The following MME variants were observed in gnomAD, a reference collection of about 807,000 sequenced individuals.
MME encodes membrane metalloendopeptidase.
Under a neutral mutation model 113.2 loss-of-function variants are expected in MME, and 98 were observed. The ratio of observed to expected loss-of-function variants is 0.87; its 90% confidence interval spans 0.74 to 1.02. MME has a LOEUF of 1.02. Among genes scored for constraint, MME ranks in the 50% least tolerant of loss-of-function variants. MME has a pLI of 0.00. For synonymous variants in MME, 292 were observed against 300.6 expected (o/e 0.97, Z 0.30); for missense variants, 836 against 896.0 (o/e 0.93, Z 0.86).
At chr3:155,031,788 G>T (rs893033706) in intron 1 of MME, among the ~76,000 whole-genome samples, 1 of 152,148 alleles carries the variant, frequency 6.6e-6, no homozygotes, top group Non-Finnish European at 1.5e-5. Flanking sequence ...CTCCCAAGTA[G>T]CTGGGATTAC....
chr3:155,146,423 G>C (rs1721520165), intron 14 of MME, among the ~76,000 whole-genome samples: 1 of 152,000 alleles, frequency 6.6e-6, no homozygotes, highest in African/African-American at 2.4e-5. Flanking sequence ...CTATTTGGGA[G>C]GCTGAAATGG....
chr3:155,052,696 G>A (rs753941763), intron 1 of MME, among the ~76,000 whole-genome samples: 6 of 152,184 alleles, frequency 3.9e-5, no homozygotes, highest in Non-Finnish European at 7.3e-5. Flanking sequence ...TGATAGAAGG[G>A]GCTGTCATGA....
intron 9 of MME, 60 bp from the exon 10 acceptor site, chr3:155,140,131 A>G: frequency 8.8e-7 from 1 of 1,133,776 alleles, no homozygotes; most frequent in Non-Finnish European, 1.3e-6. Flanking sequence ...CCTCATATGT[A>G]GTTATATTTT....
chr3:155,056,969 G>A (rs550809644), intron 1 of MME, among the ~76,000 whole-genome samples: 71 of 152,214 alleles, frequency 4.7e-4, no homozygotes, highest in African/African-American at 1.5e-3. Flanking sequence ...AGACTTAAAC[G>A]TTAGACCTAA....
intron 8 of MME, among the ~76,000 whole-genome samples, chr3:155,126,652 A>T (rs1719682979): frequency 6.6e-6 from 1 of 152,140 alleles, no homozygotes; most frequent in Admixed American, 6.5e-5. Flanking sequence ...CCTAGCTTGC[A>T]TTCTTATATG....
intron 14 of MME, among the ~76,000 whole-genome samples, chr3:155,146,292 G>A (rs9874874): frequency 0.35 from 53,631 of 151,942 alleles, 9,878 homozygotes; most frequent in African/African-American, 0.44. Context: ...TTGGGAGGCC[G>A]AGGCAGGCAG....
In MME at chr3:155,116,696, C is replaced by T. The variant is rs1321075544; in HGVS notation, c.472C>T (p.Leu158Phe). 4 of 1,613,174 alleles carry T rather than the reference C, an allele frequency of 2.5e-6. No homozygotes were observed. The African/African-American group carries it at 4.0e-5, about 16-fold the overall frequency. The change falls in exon 6 of 23, where the codon CTC becomes TTC. Residue 158 changes from leucine to phenylalanine, a missense_variant. Coordinates refer to ENST00000360490, the MANE Select transcript of MME (RefSeq NM_007289.4). The part of the protein sequence containing the change: ...AIDSRGGEPL[L>F]KLLPDIYGWP... ...TGATAGCAGAGGTGGAGAACCTCTA[C>T]TCAAACTGTTACCAGACATATATGG...
At position 155,033,058 on chromosome 3, in the gene MME, A is replaced by G. The variant is rs1288845522; in HGVS notation, c.-11+8734A>G. On this transcript the variant is annotated intron_variant, in intron 1 of 22. Coordinates refer to the MME transcript ENST00000492661. ...TCTGGTCTGAGTTAGGTACAGGGCAATAAAGGAGAAAGTTAATCTATAAAA... is the reference window on the plus strand; with the variant it reads ...TCTGGTCTGAGTTAGGTACAGGGCAGTAAAGGAGAAAGTTAATCTATAAAA... Among the ~76,000 whole-genome samples, 4 of 152,358 alleles carry G rather than the reference A, an allele frequency of 2.6e-5. No individual in the cohort carries two copies. In the East Asian group the frequency reaches 7.7e-4, roughly 29 times the overall value.
At chr3:155,115,280 A>T in intron 4 of MME, 125 bp downstream of exon 4, 1 of 1,187,984 alleles carries the variant, frequency 8.4e-7, no homozygotes, top group Admixed American at 1.9e-5. Flanking sequence ...TCCTTCCAGG[A>T]TTTGTGTACC....
intron 1 of MME, among the ~76,000 whole-genome samples, chr3:155,042,601 G>T (rs1220351506): frequency 6.6e-6 from 1 of 151,914 alleles, no homozygotes; most frequent in African/African-American, 2.4e-5. Flanking sequence ...TTTCAAGGAG[G>T]TTGTGTATTT....
rs41267905 is a variant in MME, at chr3:155,118,759, G to T, written c.668G>T (p.Arg223Leu). The change falls in exon 8 of 23, where the codon CGA becomes CTA. Residue 223 changes from arginine (R) to leucine (L), a missense_variant. Physicochemically the swap from Arg to Leu is moderately radical, Grantham distance 102. Transcript: ENST00000360490. ...TATTTTTTATAGATTGACCAACCTCGACTTGGCCTCCCTTCTAGAGATTAC... is the reference window on the plus strand; with the variant it reads ...TATTTTTTATAGATTGACCAACCTCTACTTGGCCTCCCTTCTAGAGATTAC... ...VNHVIHIDQP[R>L]LGLPSRDYYE... The T allele has an allele frequency of 2.3e-5, 37 of 1,598,432 alleles. No homozygotes were observed. The highest frequency in any genetic ancestry group is 3.1e-5 in the Non-Finnish European group (36 of 1,167,722).
intron 1 of MME, among the ~76,000 whole-genome samples, chr3:155,062,514 A>G (rs1714183423): frequency 6.6e-6 from 1 of 152,140 alleles, no homozygotes; most frequent in South Asian, 2.1e-4. Context: ...TATAATATCA[A>G]ACTAAACTTA....
intron 21 of MME, 23 bp from the exon 22 acceptor site, chr3:155,172,513 G>C (rs201142516): frequency 6.4e-7 from 1 of 1,573,676 alleles, no homozygotes; most frequent in East Asian, 2.2e-5. Flanking sequence ...TACATGCTTT[G>C]CTTTTCCTAT....
chr3:155,056,562 T>C (rs1713935547), intron 1 of MME, among the ~76,000 whole-genome samples: 1 of 150,316 alleles, frequency 6.7e-6, no homozygotes, highest in South Asian at 2.1e-4. Flanking sequence ...CACATTTTCT[T>C]AATCCAGTCT....
At chr3:155,116,624 C>T in intron 5 of MME, 40 bp from the exon 6 acceptor site, 2 of 1,519,032 alleles carry the variant, frequency 1.3e-6, no homozygotes, top group Non-Finnish European at 1.8e-6. Context: ...CAAACTATGC[C>T]TAGATTTCTA....
intron 22 of MME, among the ~76,000 whole-genome samples, chr3:155,178,000 T>C (rs980861830): frequency 2.6e-5 from 4 of 152,120 alleles, no homozygotes. Context: ...ATGTCCAGGT[T>C]CTCCAACAAC....
At chr3:155,055,052 C>T (rs1356415272) in intron 1 of MME, among the ~76,000 whole-genome samples, 1 of 152,036 alleles carries the variant, frequency 6.6e-6, no homozygotes, top group Non-Finnish European at 1.5e-5. Context: ...GCTCTATGAA[C>T]CAGCAATTAA....
chr3:155,081,320 T>A (rs1185084877), intron 1 of MME: 1 of 152,246 alleles, frequency 6.6e-6, no homozygotes. Context: ...CTGCTTTGAC[T>A]GTCTGATATA....
At chr3:155,139,632 AG>A (rs1398247460) in intron 9 of MME, among the ~76,000 whole-genome samples, 2 of 152,232 alleles carry the variant, frequency 1.3e-5, no homozygotes. Context: ...CTGGCAGGAT[AG>A]GAGAACAGTC....
Sources: allele counts gnomAD v4.1 joint callset (sites outside exome capture counted in the v4.1 genomes callset), GRCh38; gene constraint gnomAD v4.1.1; transcripts MANE v1.5; gene names NCBI Gene and HGNC (gene_info 2026-07-23, HGNC 2026-07-21).